TBC1D12: variants seen among roughly 807,000 people sequenced by gnomAD.
TBC1D12 encodes TBC1 domain family, member 12.
Under a neutral mutation model 86.7 loss-of-function variants are expected in TBC1D12, and 56 were observed. That is an observed-to-expected ratio of 0.65 (90% CI 0.52 to 0.81). The LOEUF (loss-of-function observed/expected upper bound fraction) is 0.81. Ranked by LOEUF, TBC1D12 falls within the 30% of genes least tolerant of loss-of-function variation. The pLI is 0.00. For synonymous variants in TBC1D12, 421 were observed against 411.7 expected (o/e 1.02, Z -0.27); for missense variants, 1,023 against 1,038.8 (o/e 0.98, Z 0.21).
intron 2 of TBC1D12, among the ~76,000 whole-genome samples, chr10:94,466,853 C>T (rs912154418): frequency 3.9e-5 from 6 of 152,072 alleles, no homozygotes; most frequent in Non-Finnish European, 8.8e-5. Flanking sequence ...GTGTCTAATC[C>T]GGAATATCAC....
intron 2 of TBC1D12, among the ~76,000 whole-genome samples, chr10:94,460,586 A>G (rs1374341028): frequency 6.7e-6 from 1 of 148,258 alleles, no homozygotes; most frequent in African/African-American, 2.5e-5. Context: ...TTTTTTTTTA[A>G]TGTTTATCCT....
intron 7 of TBC1D12, 106 bp downstream of exon 7, chr10:94,507,453 T>A: frequency 9.8e-7 from 1 of 1,025,588 alleles, no homozygotes; most frequent in Non-Finnish European, 1.4e-6. Context: ...TATTTAATCT[T>A]AACCCTTTCA....
rs2056506768 is a variant in TBC1D12 at position 94,509,968 on chromosome 10, T to C, written c.1601-123T>C. ...AACAAAAGCTATGTGACATTTCTTA[T>C]AATTTCTTGATTATTCAGCTTTTAA... On this transcript the variant is annotated intron_variant, in intron 7 of 12. Transcript: ENST00000225235. 4.5e-6 allele frequency: 3 copies of C among 672,314 alleles called. No individual in the cohort carries two copies. In the East Asian group the frequency reaches 9.1e-5, roughly 20 times the overall value. The allele number at this position is 672,314 out of a possible 1,614,324, so 41.6% of individuals were successfully genotyped here. A position where few individuals can be genotyped will look rare whatever the true frequency, so the allele number is the denominator to read the frequency against.
chr10:94,456,390 A>G (rs2055627323), intron 2 of TBC1D12, among the ~76,000 whole-genome samples: 1 of 152,222 alleles, frequency 6.6e-6, no homozygotes, highest in Non-Finnish European at 1.5e-5. Flanking sequence ...ATAGTTAAAA[A>G]TATTTTAAAA....
At chr10:94,506,840 C>A (rs1475376013) in intron 6 of TBC1D12, among the ~76,000 whole-genome samples, 2 of 152,124 alleles carry the variant, frequency 1.3e-5, no homozygotes, top group African/African-American at 4.8e-5. Context: ...TCATCAGTAA[C>A]CCTATGAGTA....
chr10:94,502,313 C>A (rs2056408399), intron 6 of TBC1D12, among the ~76,000 whole-genome samples: 1 of 151,530 alleles, frequency 6.6e-6, no homozygotes, highest in Non-Finnish European at 1.5e-5. Context: ...GCCTGGGCAA[C>A]AAGAGCGAAA....
chr10:94,446,034 T>C (rs2055457263), intron 2 of TBC1D12, among the ~76,000 whole-genome samples: 1 of 152,230 alleles, frequency 6.6e-6, no homozygotes, highest in African/African-American at 2.4e-5. Context: ...ATGTGTGTCC[T>C]CTACTCCCTA....
intron 5 of TBC1D12, among the ~76,000 whole-genome samples, chr10:94,497,821 C>CT (rs796259533): frequency 0.023 from 2,264 of 100,124 alleles, 55 homozygotes; most frequent in African/African-American, 0.061. Context: ...ACTGTGTTTT[C>CT]TTTTTTTTTT....
At chr10:94,471,009 C>T (rs968777895) in intron 2 of TBC1D12, among the ~76,000 whole-genome samples, 4 of 152,110 alleles carry the variant, frequency 2.6e-5, no homozygotes, top group Non-Finnish European at 5.9e-5. Context: ...GGTGCAGTGG[C>T]TCATGCCTGC....
intron 2 of TBC1D12, among the ~76,000 whole-genome samples, chr10:94,465,273 T>C (rs570345298): frequency 3.3e-4 from 50 of 152,324 alleles, no homozygotes; most frequent in African/African-American, 1.2e-3. Context: ...TGTTACAGCA[T>C]TGCATTATAA....
At chr10:94,449,567 T>C (rs1437666079) in intron 2 of TBC1D12, among the ~76,000 whole-genome samples, 1 of 152,182 alleles carries the variant, frequency 6.6e-6, no homozygotes, top group Non-Finnish European at 1.5e-5. Context: ...GGTCTTGAGA[T>C]AGTAGAGGTG....
Position 94,458,336 on chromosome 10 carries a change from A to G in TBC1D12, c.1095+16317A>G, listed in dbSNP as rs117092000. On this transcript the variant is annotated intron_variant, in intron 2 of 12. Transcript: ENST00000225235. ...CCTCAGGATTCTATAGAGCGTCCCC[A>G]TCAGCAAGAGGGCTCTCATTAGATG... Among the ~76,000 whole-genome samples the G allele has an allele frequency of 6.7e-3, 1,027 of 152,280 alleles. 6 individuals are homozygous for G. The highest frequency in any genetic ancestry group is 9.8e-3 in the Non-Finnish European group (669 of 68,020).
At chr10:94,428,176 G>C (rs17440221) in intron 1 of TBC1D12, among the ~76,000 whole-genome samples, 3,340 of 152,096 alleles carry the variant, frequency 0.022, 49 homozygotes, top group Non-Finnish European at 0.031. Context: ...GTGTGACCTT[G>C]GCAAAGACTC....
chr10:94,438,881 G>A (rs1365072425), intron 1 of TBC1D12, among the ~76,000 whole-genome samples: 2 of 151,756 alleles, frequency 1.3e-5, no homozygotes, highest in African/African-American at 2.4e-5. Flanking sequence ...TCAGCTCACT[G>A]CAACCTCCGC....
At chr10:94,407,045 G>T (rs1464100281) in intron 1 of TBC1D12, among the ~76,000 whole-genome samples, 1 of 146,882 alleles carries the variant, frequency 6.8e-6, no homozygotes, top group South Asian at 2.2e-4. Context: ...AAATCTATAC[G>T]AGAAACCTTA....
At chr10:94,500,367 A>T (rs1306071935) in intron 6 of TBC1D12, 40 bp downstream of exon 6, 3 of 1,551,180 alleles carry the variant, frequency 1.9e-6, no homozygotes, top group Admixed American at 3.6e-5. Context: ...ATGTACAAAT[A>T]GCCATCTACA....
At chr10:94,475,219 A>C (rs1400570046) in intron 3 of TBC1D12, among the ~76,000 whole-genome samples, 1 of 152,196 alleles carries the variant, frequency 6.6e-6, no homozygotes, top group African/African-American at 2.4e-5. Flanking sequence ...ATGATAGGGC[A>C]GTTATTCTTC....
At chr10:94,408,651 TG>T (rs1463722591) in intron 1 of TBC1D12, among the ~76,000 whole-genome samples, 2 of 152,090 alleles carry the variant, frequency 1.3e-5, no homozygotes, top group African/African-American at 4.8e-5. Flanking sequence ...TTCATCCATC[TG>T]ACTGAGCCAT....
chr10:94,451,447 TTAAGAA>T (rs2055548408), intron 2 of TBC1D12, among the ~76,000 whole-genome samples: 1 of 152,114 alleles, frequency 6.6e-6, no homozygotes, highest in Admixed American at 6.6e-5. Flanking sequence ...AGAGAATGTG[TTAAGAA>T]TACATTGGCT....
Sources: allele counts gnomAD v4.1 joint callset (sites outside exome capture counted in the v4.1 genomes callset), GRCh38; gene constraint gnomAD v4.1.1; transcripts MANE v1.5; gene names NCBI Gene and HGNC (gene_info 2026-07-23, HGNC 2026-07-21).